The following NOSIP variants were observed in gnomAD, a reference collection of about 807,000 sequenced individuals.
NOSIP encodes nitric oxide synthase interacting protein, also known as nitric oxide synthase-interacting protein.
NOSIP carries 25 observed loss-of-function variants against 36.4 expected under a neutral mutation model. The observed-to-expected ratio is 0.69, with a 90% CI of 0.50 to 0.96. The LOEUF (loss-of-function observed/expected upper bound fraction) is 0.96. NOSIP is among the 40% of genes least tolerant of loss of function. NOSIP has a pLI of 0.00. For synonymous variants in NOSIP, 187 were observed against 179.2 expected (o/e 1.04, Z -0.35); for missense variants, 370 against 429.0 (o/e 0.86, Z 1.21).
intron 1 of NOSIP, among the ~76,000 whole-genome samples, chr19:49,562,881 G>T (rs2080354141): frequency 1.3e-5 from 2 of 151,990 alleles, no homozygotes; most frequent in African/African-American, 4.8e-5. Context: ...TCTGTCAAAA[G>T]AAAAAGAAGA....
chr19:49,560,514 G>A lies in NOSIP; in HGVS notation c.70+108C>T, dbSNP rs576651178. On this transcript the variant is annotated intron_variant, in intron 2 of 8. Transcript: ENST00000596358. This position sits in a 1 kb window ranked among gnomAD's most constrained non-coding sequence, Gnocchi z 4.6. ...ATGGTCATGGCCATCAGTGTATATCGGGGGCGGGAGAGAGACAGGGACAGA... is the reference window on the plus strand; with the variant it reads ...ATGGTCATGGCCATCAGTGTATATCAGGGGCGGGAGAGAGACAGGGACAGA... 9 of 766,782 alleles carry A rather than the reference G, an allele frequency of 1.2e-5. No homozygotes were observed. The highest frequency in any genetic ancestry group is 2.3e-4 in the Middle Eastern group (1 of 4,362). 47.5% of individuals were successfully genotyped at this position (766,782 alleles called of 1,614,324 possible). A position where few individuals can be genotyped will look rare whatever the true frequency, so the allele number is the denominator to read the frequency against.
At position 49,558,992 on chromosome 19, in the gene NOSIP, G is replaced by C; in HGVS notation, c.177-14C>G. The C allele has an allele frequency of 3.7e-6, 6 of 1,610,204 alleles. No individual in the cohort carries two copies. Among genetic ancestry groups the C allele is most frequent in the Non-Finnish European group, 5.1e-6 (6 of 1,177,024 alleles). On this transcript the variant is annotated splice_polypyrimidine_tract_variant and intron_variant, in intron 3 of 8. Coordinates refer to ENST00000596358, the MANE Select transcript of NOSIP (RefSeq NM_001270960.2). ...TAGCCATCTGGGCTGCAAAGACAGG[G>C]TGCAATGAGAAAGAAAGAAAGTGAT...
intron 1 of NOSIP, chr19:49,579,279 T>C (rs1289797171): frequency 3.3e-5 from 5 of 152,198 alleles, no homozygotes; most frequent in African/African-American, 1.2e-4. Flanking sequence ...TTCTGGTTTT[T>C]ACACACGCAC....
chr19:49,568,795 A>AATGT (rs2080443811), intron 1 of NOSIP, among the ~76,000 whole-genome samples: 2 of 123,308 alleles, frequency 1.6e-5, no homozygotes, highest in African/African-American at 3.7e-5. Flanking sequence ...AAAAAAAAAA[A>AATGT]TAGTTTGTTT....
chr19:49,571,983 CAA>C (rs35870721), intron 1 of NOSIP, among the ~76,000 whole-genome samples: 8 of 56,982 alleles, frequency 1.4e-4, no homozygotes, highest in African/African-American at 3.4e-4. Flanking sequence ...GACTCTGTCT[CAA>C]AAAAAAAAAA....
At chr19:49,574,307 C>G (rs563163551) in intron 1 of NOSIP, among the ~76,000 whole-genome samples, 1 of 152,166 alleles carries the variant, frequency 6.6e-6, no homozygotes, top group South Asian at 2.1e-4. Flanking sequence ...GGACATGACT[C>G]AAGACAAAAA....
Position 49,579,466 on chromosome 19 carries a change from C to T in NOSIP, c.-2+1049G>A, listed in dbSNP as rs564560762. On this transcript the variant is annotated intron_variant, in intron 1 of 8. Transcript: ENST00000596358. ...GAGAGATAATAGCCAAATCCCCAAA[C>T]AACCCAGTTTTAGCCCACCTGATAA... 2.4e-3 allele frequency among the ~76,000 whole-genome samples: 367 copies of T among 152,308 alleles called. 2 individuals are homozygous for T. Among genetic ancestry groups the T allele is most frequent in the Non-Finnish European group, 4.2e-3 (283 of 68,022 alleles).
At chr19:49,574,632 C>G (rs1345462756) in intron 1 of NOSIP, among the ~76,000 whole-genome samples, 1 of 152,172 alleles carries the variant, frequency 6.6e-6, no homozygotes, top group Non-Finnish European at 1.5e-5. Flanking sequence ...TAAGTTCAGG[C>G]TACCAGCATT....
rs139745113 is a variant in NOSIP at position 49,573,746 on chromosome 19, G to A, written c.-2+6769C>T. ...GCACTTTCCACATGTGAACACATTC[G>A]GTCCTCATGACAACCTCCCCACGTT... On this transcript the variant is annotated intron_variant, in intron 1 of 8. Coordinates refer to ENST00000596358, the MANE Select transcript of NOSIP (RefSeq NM_001270960.2). 3.9e-5 allele frequency among the ~76,000 whole-genome samples: 6 copies of A among 152,044 alleles called. 1 individual carries two copies. The East Asian group carries it at 7.7e-4, about 20-fold the overall frequency.
At chr19:49,557,566 G>C (rs1277051160) in intron 4 of NOSIP, 1 of 1,226,050 alleles carries the variant, frequency 8.2e-7, no homozygotes, top group Non-Finnish European at 1.0e-6. Context: ...GGTTACATAA[G>C]GTGAGTGTTT....
At chr19:49,561,945 C>G (rs1285843834) in intron 1 of NOSIP, among the ~76,000 whole-genome samples, 1 of 149,314 alleles carries the variant, frequency 6.7e-6, no homozygotes, top group Non-Finnish European at 1.5e-5. Context: ...CCTATGTTTT[C>G]TTCTAGGGGT....
At chr19:49,557,742 G>C in intron 4 of NOSIP, 2 of 991,202 alleles carry the variant, frequency 2.0e-6, no homozygotes, top group Non-Finnish European at 2.4e-6. Context: ...TGGACGGACA[G>C]TGAGTGAGGA....
intron 4 of NOSIP, 51 bp from the exon 5 acceptor site, chr19:49,557,300 T>C (rs930631236): frequency 2.6e-6 from 4 of 1,513,680 alleles, no homozygotes; most frequent in Non-Finnish European, 3.5e-6. Context: ...TGGGGGTATC[T>C]TCCTCCCATT....
intron 1 of NOSIP, among the ~76,000 whole-genome samples, chr19:49,561,593 G>T (rs1032533021): frequency 1.3e-5 from 2 of 152,056 alleles, no homozygotes; most frequent in Admixed American, 1.3e-4. Context: ...CTTTTAAAGT[G>T]GTTTCAGACC....
At chr19:49,577,128 T>C (rs1208868005) in intron 1 of NOSIP, among the ~76,000 whole-genome samples, 2 of 152,164 alleles carry the variant, frequency 1.3e-5, no homozygotes, top group African/African-American at 4.8e-5. Context: ...GGTGTGGATA[T>C]GGAGAAACTG....
chr19:49,559,911 A>G (rs2080308206), intron 3 of NOSIP, 23 bp downstream of exon 3: 1 of 1,575,760 alleles, frequency 6.3e-7, no homozygotes, highest in Non-Finnish European at 8.7e-7. Context: ...ACCCAGACCT[A>G]CCCATCCCTG....
chr19:49,566,371 C>A (rs1400946069), intron 1 of NOSIP, among the ~76,000 whole-genome samples: 1 of 152,124 alleles, frequency 6.6e-6, no homozygotes. Flanking sequence ...TACAGTGGTA[C>A]AATCATAGCT....
In NOSIP at chr19:49,560,137, T is replaced by A; in HGVS notation, c.71-98A>T. The A allele has an allele frequency of 1.5e-6, 1 of 670,956 alleles. No individual in the cohort carries two copies. The highest frequency in any genetic ancestry group is 2.5e-6 in the Non-Finnish European group (1 of 397,090). The allele number at this position is 670,956 out of a possible 1,614,324, so 41.6% of individuals were successfully genotyped here. ...GAGAGGCACAGAGACAACGCGGTGG[T>A]GGGGGTGGGGGACTCAGAGAGAAAC... On this transcript the variant is annotated intron_variant, in intron 2 of 8. Coordinates refer to ENST00000596358, the MANE Select transcript of NOSIP (RefSeq NM_001270960.2). This position sits in a 1 kb window ranked among gnomAD's most constrained non-coding sequence, Gnocchi z 4.6.
Position 49,560,569 on chromosome 19 carries a change from G to T in NOSIP, c.70+53C>A. 7.1e-7 allele frequency: 1 copy of T among 1,407,494 alleles called. No homozygotes were observed. The highest frequency in any genetic ancestry group is 9.9e-7 in the Non-Finnish European group (1 of 1,014,534). The allele number at this position is 1,407,494 out of a possible 1,614,324, so 87.2% of individuals were successfully genotyped here. On this transcript the variant is annotated intron_variant, in intron 2 of 8. Transcript: ENST00000596358. This position sits in a 1 kb window ranked among gnomAD's most constrained non-coding sequence, Gnocchi z 4.6. ...GCAAAACCTGGGGCACGAGGGGAGAGGGTGACTCCAAGACACAGCCATGTC... is the reference window on the plus strand; with the variant it reads ...GCAAAACCTGGGGCACGAGGGGAGATGGTGACTCCAAGACACAGCCATGTC...
Sources: gnomAD v4.1 joint callset for allele counts (sites outside exome capture counted in the v4.1 genomes callset) on GRCh38, gnomAD v4.1.1 for gene constraint, Gnocchi (gnomAD v3.1) non-coding constraint, MANE v1.5 for transcripts, NCBI Gene and HGNC (gene_info 2026-07-23, HGNC 2026-07-21) for gene names.